PIEZO1: variants seen among roughly 807,000 people sequenced by gnomAD.
PIEZO1 encodes piezo type mechanosensitive ion channel component 1 (Er blood group), also known as piezo-type mechanosensitive ion channel component 1.
In PIEZO1, 296 loss-of-function variants were observed where a neutral mutation model predicts 297.2. That is an observed-to-expected ratio of 1.00 (90% CI 0.91 to 1.10). The LOEUF (loss-of-function observed/expected upper bound fraction) is 1.10. Ranked by LOEUF, PIEZO1 falls within the 50% of genes least tolerant of loss-of-function variation. The probability of loss-of-function intolerance (pLI) is 0.00; values close to 1 mark genes in which losing one functional copy is unlikely to be tolerated. For missense variants in PIEZO1, 5,018 were observed against 3,455.5 expected (o/e 1.45, Z -11.34); for synonymous variants, 2,427 against 1,507.5 (o/e 1.61, Z -14.13).
At position 88,742,103 on chromosome 16, in the gene PIEZO1, G is replaced by C; in HGVS notation, c.284-8C>G. Reference sequence around the variant, plus strand: ...GGGTCTCCCAGCGGCTGCCTGCAGAGAAAGACGGGGGAACCCAGGTCAGGC... The same window carrying C: ...GGGTCTCCCAGCGGCTGCCTGCAGACAAAGACGGGGGAACCCAGGTCAGGC... On this transcript the variant is annotated splice_region_variant and splice_polypyrimidine_tract_variant and intron_variant, in intron 3 of 50. Transcript: ENST00000301015. 3 of 1,535,908 alleles carry C rather than the reference G, an allele frequency of 2.0e-6. No homozygotes were observed. The highest frequency in any genetic ancestry group is 2.6e-6 in the Non-Finnish European group (3 of 1,146,762).
chr16:88,748,558 G>C (rs935363458), intron 2 of PIEZO1, among the ~76,000 whole-genome samples: 6 of 151,792 alleles, frequency 4.0e-5, no homozygotes, highest in Non-Finnish European at 7.4e-5. Flanking sequence ...GCGGGAGGGC[G>C]GTCCAGGCGG....
At position 88,757,873 on chromosome 16, in the gene PIEZO1, C is replaced by CAGAT. The variant is rs1906750833; in HGVS notation, c.65-8398_65-8395dup. On this transcript the variant is annotated intron_variant, in intron 1 of 50. Coordinates refer to ENST00000301015, the MANE Select transcript of PIEZO1 (RefSeq NM_001142864.4). The stretch of plus-strand genomic sequence containing the variant: ...ACTCCCCCAGCAGCCTCAGCTCCAG[C>CAGAT]AGATGCCCCAGGAGGCAGGAAGGGT... Among the ~76,000 whole-genome samples the CAGAT allele has an allele frequency of 2.0e-5, 3 of 152,308 alleles. No homozygotes were observed. The South Asian group carries it at 6.2e-4, about 32-fold the overall frequency.
intron 1 of PIEZO1, among the ~76,000 whole-genome samples, chr16:88,776,023 C>T (rs952976982): frequency 6.6e-6 from 1 of 152,210 alleles, no homozygotes; most frequent in African/African-American, 2.4e-5. Flanking sequence ...GGCCGTGGGG[C>T]AGTCGGGGCC....
chr16:88,725,311 C>G, intron 29 of PIEZO1, 105 bp downstream of exon 29: 1 of 777,368 alleles, frequency 1.3e-6, no homozygotes, highest in South Asian at 1.9e-5. Context: ...GACAGGCGGG[C>G]TGGGAGCCCT....
intron 2 of PIEZO1, chr16:88,742,840 G>A: frequency 2.9e-6 from 1 of 349,586 alleles, no homozygotes; most frequent in Non-Finnish European, 5.7e-6. Flanking sequence ...ACCAGAGCAT[G>A]CGGAGCGCCC....
chr16:88,737,810 T>C lies in PIEZO1; in HGVS notation c.1025A>G (p.Lys342Arg). ...AGCCTCATACCCCTTTGCCGCCTCC[T>C]TCCTCTGCAGAGACCAGCGTCTTGA... ...LRAYRPSGQR[K>R]EAAKGYEARE... is the part of the protein sequence containing the mutation. The change falls in exon 9 of 51, where the codon AAG (lysine) becomes AGG (arginine). Residue 342 changes from lysine to arginine, a missense_variant. Transcript: ENST00000301015. 1 of 1,535,756 alleles carries C rather than the reference T, an allele frequency of 6.5e-7. No individual in the cohort carries two copies. The highest frequency in any genetic ancestry group is 8.7e-7 in the Non-Finnish European group (1 of 1,146,670).
chr16:88,733,891 G>A lies in PIEZO1; in HGVS notation c.2329+15C>T. ...GCAGACTGGGTGGCAGCTGTGCTCT[G>A]CCCGCCCAACCCACCTTCAGGCACC... On this transcript the variant is annotated intron_variant, in intron 17 of 50. Transcript: ENST00000301015. The A allele has an allele frequency of 6.8e-7, 1 of 1,481,018 alleles. No individual in the cohort carries two copies. Among genetic ancestry groups the A allele is most frequent in the Non-Finnish European group, 9.0e-7 (1 of 1,109,234 alleles). 91.7% of individuals were successfully genotyped at this position (1,481,018 alleles called of 1,614,324 possible).
chr16:88,783,829 T>G (rs1908044151), intron 1 of PIEZO1, among the ~76,000 whole-genome samples: 1 of 152,194 alleles, frequency 6.6e-6, no homozygotes, highest in Non-Finnish European at 1.5e-5. Context: ...TCTGGGAGCC[T>G]CAGGCAGGCG....
In PIEZO1 at chr16:88,715,488, A is replaced by C. The variant is rs1164852290; in HGVS notation, c.*117T>G. ...GGGCTCAGGCAGGCCGGGAGGATGCATCACAGCTGGCGGCCTTGGACGGGG... is the reference window on the plus strand; with the variant it reads ...GGGCTCAGGCAGGCCGGGAGGATGCCTCACAGCTGGCGGCCTTGGACGGGG... On this transcript the variant is annotated 3_prime_UTR_variant, in exon 51 of 51. Transcript: ENST00000301015. 1 of 1,133,298 alleles carries C rather than the reference A, an allele frequency of 8.8e-7. No individual in the cohort carries two copies. The highest frequency in any genetic ancestry group is 1.2e-6 in the Non-Finnish European group (1 of 801,160). 70.2% of individuals were successfully genotyped at this position (1,133,298 alleles called of 1,614,324 possible).
intron 10 of PIEZO1, 113 bp downstream of exon 10, chr16:88,737,446 C>T (rs1465564686): frequency 1.9e-5 from 13 of 694,502 alleles, no homozygotes; most frequent in Admixed American, 1.8e-4. Flanking sequence ...GAGGGGGCGG[C>T]AGGCAGAGGT....
At chr16:88,768,918 G>A (rs768188552) in intron 1 of PIEZO1, among the ~76,000 whole-genome samples, 3 of 152,232 alleles carry the variant, frequency 2.0e-5, no homozygotes, top group Non-Finnish European at 4.4e-5. Context: ...GGGGCCGGAT[G>A]CACCTTGGCA....
intron 1 of PIEZO1, among the ~76,000 whole-genome samples, chr16:88,760,306 A>G (rs1348041338): frequency 6.6e-6 from 1 of 152,236 alleles, no homozygotes; most frequent in Non-Finnish European, 1.5e-5. Context: ...GGACTGAGGA[A>G]GCCCCTCTTC....
At chr16:88,777,159 G>C (rs926785792) in intron 1 of PIEZO1, among the ~76,000 whole-genome samples, 1 of 152,234 alleles carries the variant, frequency 6.6e-6, no homozygotes, top group Non-Finnish European at 1.5e-5. Flanking sequence ...TTTCAGTAGG[G>C]ACAGGGTTTT....
At chr16:88,783,088 G>A (rs1165955810) in intron 1 of PIEZO1, among the ~76,000 whole-genome samples, 1 of 152,206 alleles carries the variant, frequency 6.6e-6, no homozygotes, top group Non-Finnish European at 1.5e-5. Flanking sequence ...TTTCATAGAA[G>A]ACTGACACGG....
Position 88,741,604 on chromosome 16 carries a change from C to T in PIEZO1, c.339G>A (p.Lys113=), listed in dbSNP as rs1302206093. 5.2e-6 allele frequency: 8 copies of T among 1,535,112 alleles called. No individual in the cohort carries two copies. The highest frequency in any genetic ancestry group is 6.1e-6 in the Non-Finnish European group (7 of 1,146,618). ...CCAGCCGGATGGCGTTGGGGATGTC[C>T]TTCAGGTCCAGCCTGCGGAGAGCAG... ...RHIGVTRLDL[K]DIPNAIRLVA... Residue 113 remains lysine (K), a synonymous_variant, in exon 5 of 51, where the codon AAG becomes AAA. Coordinates refer to ENST00000301015, the MANE Select transcript of PIEZO1 (RefSeq NM_001142864.4).
In PIEZO1 at chr16:88,719,822, G is replaced by A. The variant is rs1178021816; in HGVS notation, c.6303C>T (p.Leu2101=). The change falls in exon 43 of 51, where the codon CTC becomes CTT. Residue 2101 remains leucine (L), a synonymous_variant. Transcript: ENST00000301015. ...GNFLTKKYNH[L]NLFLFQGFRL... ...CTCACCCCTGGAAGAGGAAGAGGTT[G>A]AGATGATTGTACTTCTTGGTGAGGA... The A allele has an allele frequency of 1.1e-4, 163 of 1,550,466 alleles. 1 individual carries two copies. The highest frequency in any genetic ancestry group is 1.4e-4 in the Non-Finnish European group (161 of 1,146,960).
intron 1 of PIEZO1, among the ~76,000 whole-genome samples, chr16:88,762,208 C>T (rs994023072): frequency 2.6e-5 from 4 of 152,094 alleles, no homozygotes; most frequent in Middle Eastern, 6.3e-3. Context: ...TCCCTCCCGG[C>T]CCACCCAGAG....
intron 1 of PIEZO1, among the ~76,000 whole-genome samples, chr16:88,773,829 C>G (rs1472926187): frequency 6.6e-6 from 1 of 152,104 alleles, no homozygotes; most frequent in Non-Finnish European, 1.5e-5. Flanking sequence ...GGAAGAGGGT[C>G]ACTCGACCCC....
chr16:88,759,697 C>G (rs1018461745), intron 1 of PIEZO1, among the ~76,000 whole-genome samples: 1 of 152,240 alleles, frequency 6.6e-6, no homozygotes, highest in African/African-American at 2.4e-5. Context: ...CATGAGGGCT[C>G]AGACGGATCC....
Sources: allele counts gnomAD v4.1 joint callset (sites outside exome capture counted in the v4.1 genomes callset), GRCh38; gene constraint gnomAD v4.1.1; transcripts MANE v1.5; gene names NCBI Gene and HGNC (gene_info 2026-07-23, HGNC 2026-07-21).